Variants in APC observed in about 807,000 individuals in gnomAD.
APC encodes APC regulator of Wnt signaling pathway, also known as adenomatous polyposis coli protein.
Under a neutral mutation model 247.0 loss-of-function variants are expected in APC, and 72 were observed. The observed-to-expected ratio is 0.29, with a 90% CI of 0.24 to 0.35. The LOEUF (loss-of-function observed/expected upper bound fraction) is 0.35, where lower values mean the gene tolerates loss of function less well. APC is among the 10% of genes least tolerant of loss of function. The pLI is 1.00. For missense variants in APC, 3,400 were observed against 3,360.7 expected, an observed-to-expected ratio of 1.01 and a Z score of -0.29; for synonymous variants, 1,254 against 1,162.5, an observed-to-expected ratio of 1.08 and a Z score of -1.60.
chr5:112,771,000 A>G (rs1033172747), intron 4 of APC, among the ~76,000 whole-genome samples: 7 of 152,032 alleles, frequency 4.6e-5, no homozygotes, highest in Non-Finnish European at 8.8e-5. Flanking sequence ...ACATCATACT[A>G]TATATATTTA....
chr5:112,718,074 T>C (rs1285339928), intron 1 of APC, among the ~76,000 whole-genome samples: 1 of 151,810 alleles, frequency 6.6e-6, no homozygotes, highest in Non-Finnish European at 1.5e-5. Flanking sequence ...TTTTTTAGTA[T>C]AGAATTCTTA....
chr5:112,811,905 G>A (rs910557599), intron 8 of APC, among the ~76,000 whole-genome samples: 1 of 152,286 alleles, frequency 6.6e-6, no homozygotes, highest in African/African-American at 2.4e-5. Flanking sequence ...GGCTGGGGTT[G>A]CAGTCATCTC....
intron 6 of APC, among the ~76,000 whole-genome samples, chr5:112,787,865 T>C (rs547437476): frequency 2.0e-5 from 3 of 152,294 alleles, no homozygotes; most frequent in Admixed American, 6.5e-5. Flanking sequence ...CCTTAATTCA[T>C]CTTGAGTTTG....
chr5:112,740,155 C>T (rs973910488), intron 1 of APC, among the ~76,000 whole-genome samples: 39 of 152,028 alleles, frequency 2.6e-4, no homozygotes, highest in Non-Finnish European at 5.9e-5. Context: ...TTTTTATCTA[C>T]AATATAAGAA....
chr5:112,752,591 T>G (rs922045968), intron 1 of APC, among the ~76,000 whole-genome samples: 3 of 152,218 alleles, frequency 2.0e-5, no homozygotes, highest in Non-Finnish European at 4.4e-5. Context: ...GTGTGGCAGC[T>G]GTAATGTGAT....
At chr5:112,768,498 A>G (rs1756624108) in intron 4 of APC, among the ~76,000 whole-genome samples, 2 of 151,772 alleles carry the variant, frequency 1.3e-5, no homozygotes. Flanking sequence ...ACAAGTGGCC[A>G]CAAATGAAAT....
chr5:112,747,943 G>T lies in APC; in HGVS notation c.-18-6930G>T, dbSNP rs1003764138. ...ATTATGCTTTAGACCACCTGTTTTT[G>T]TAAATTAAGTTTTATTAGAGCATGG... On this transcript the variant is annotated intron_variant, in intron 1 of 15. Coordinates refer to ENST00000257430, the MANE Select transcript of APC (RefSeq NM_000038.6). Among the ~76,000 whole-genome samples the T allele has an allele frequency of 2.6e-5, 4 of 152,166 alleles. No homozygotes were observed. The East Asian group carries it at 7.7e-4, about 29-fold the overall frequency.
At chr5:112,831,169 C>T (rs1217553804) in intron 14 of APC, among the ~76,000 whole-genome samples, 1 of 151,584 alleles carries the variant, frequency 6.6e-6, no homozygotes. Flanking sequence ...AGTGCAGTGG[C>T]AGGATCTCGG....
chr5:112,800,940 A>G (rs956708696), intron 7 of APC, among the ~76,000 whole-genome samples: 2 of 152,158 alleles, frequency 1.3e-5, no homozygotes, highest in African/African-American at 4.8e-5. Context: ...TGTCAGAATC[A>G]TGTGTCCTTG....
chr5:112,782,643 GACTTAAATGTCAA>G (rs1182976429), intron 6 of APC, among the ~76,000 whole-genome samples: 1 of 152,072 alleles, frequency 6.6e-6, no homozygotes, highest in Non-Finnish European at 1.5e-5. Context: ...AAAGATTCGT[GACTTAAATGTCAA>G]AAGTAAAACT....
chr5:112,761,008 A>G (rs1755595672), intron 2 of APC, among the ~76,000 whole-genome samples: 1 of 152,030 alleles, frequency 6.6e-6, no homozygotes, highest in Non-Finnish European at 1.5e-5. Context: ...ACGGGGTTTC[A>G]CTGTGTTAGC....
chr5:112,732,863 G>T (rs565917718), intron 1 of APC, among the ~76,000 whole-genome samples: 1 of 152,334 alleles, frequency 6.6e-6, no homozygotes, highest in East Asian at 1.9e-4. Context: ...ATTTGGGCCA[G>T]TAGAGCAATT....
In APC at chr5:112,707,635, C is replaced by T. The variant is rs1306105402; in HGVS notation, c.-83C>T. ...CGGGAGCTGCGGACCGAGGTTGGCT[C>T]GATGCTGTTCCCAGGTACTGTTGTT... On this transcript the variant is annotated 5_prime_UTR_variant, in exon 1 of 14. Coordinates refer to the APC transcript ENST00000507379. 9 of 1,339,354 alleles carry T rather than the reference C, an allele frequency of 6.7e-6. No individual in the cohort carries two copies. Among genetic ancestry groups the T allele is most frequent in the Non-Finnish European group, 8.9e-6 (9 of 1,012,292 alleles). 83.0% of individuals were successfully genotyped at this position (1,339,354 alleles called of 1,614,324 possible). A position where few individuals can be genotyped will look rare whatever the true frequency, so the allele number is the denominator to read the frequency against.
intron 6 of APC, among the ~76,000 whole-genome samples, chr5:112,790,243 AAG>A (rs1216445159): frequency 6.6e-6 from 1 of 152,094 alleles, no homozygotes; most frequent in Non-Finnish European, 1.5e-5. Flanking sequence ...AAAGAAAGAA[AAG>A]AGGGAGAAAA....
chr5:112,712,633 A>G (rs2149640539), intron 1 of APC, among the ~76,000 whole-genome samples: 1 of 149,040 alleles, frequency 6.7e-6, no homozygotes, highest in East Asian at 2.0e-4. Context: ...GGCTCAAGTG[A>G]TCCACCTGGG....
intron 7 of APC, among the ~76,000 whole-genome samples, chr5:112,799,802 T>C (rs78193332): frequency 2.6e-5 from 4 of 152,056 alleles, no homozygotes; most frequent in African/African-American, 9.7e-5. Flanking sequence ...CCATGATTCG[T>C]TGACACGCTA....
chr5:112,754,760 C>A (rs1388773543), intron 1 of APC, 113 bp from the exon 2 acceptor site: 1 of 992,652 alleles, frequency 1.0e-6, no homozygotes, highest in Non-Finnish European at 1.5e-6. Flanking sequence ...AGCATATTAA[C>A]ACAATTCTTC....
intron 7 of APC, among the ~76,000 whole-genome samples, chr5:112,796,471 G>A (rs929690841): frequency 3.9e-5 from 6 of 152,142 alleles, no homozygotes; most frequent in Non-Finnish European, 1.5e-5. Flanking sequence ...TTGCTAAGTA[G>A]ACAGTTTAAG....
intron 1 of APC, among the ~76,000 whole-genome samples, chr5:112,722,862 CT>C (rs959683935): frequency 3.0e-4 from 45 of 152,038 alleles, no homozygotes; most frequent in Admixed American, 7.2e-4. Context: ...GTCCTCTTGG[CT>C]TTTTATGGAG....
Sources: allele counts gnomAD v4.1 joint callset (sites outside exome capture counted in the v4.1 genomes callset), GRCh38; gene constraint gnomAD v4.1.1; transcripts MANE v1.5; gene names NCBI Gene and HGNC (gene_info 2026-07-23, HGNC 2026-07-21).